Variants in CRYAB observed in about 807,000 individuals in gnomAD.
The protein encoded by CRYAB is alpha-crystallin B chain.
Under a neutral mutation model 12.7 loss-of-function variants are expected in CRYAB, and 9 were observed. That is an observed-to-expected ratio of 0.71 (90% CI 0.43 to 1.24). The LOEUF (loss-of-function observed/expected upper bound fraction) is 1.24. Among genes scored for constraint, CRYAB ranks in the 50% most tolerant of loss-of-function variants. The pLI is 0.00. For missense variants in CRYAB, 183 were observed against 226.6 expected (o/e 0.81, Z 1.24); for synonymous variants, 93 against 86.8 (o/e 1.07, Z -0.40).
At chr11:111,913,063 C>A (rs559644844), upstream of CRYAB, 3 of 668,610 alleles carry the variant, frequency 4.5e-6, no homozygotes, top group African/African-American at 5.4e-5. Flanking sequence ...CCAGACTACC[C>A]CTCATCCCCT....
At chr11:111,918,383 T>G (rs146871906) in intron 1 of CRYAB, among the ~76,000 whole-genome samples, 2 of 152,260 alleles carry the variant, frequency 1.3e-5, no homozygotes, top group African/African-American at 4.8e-5. Flanking sequence ...TTAGGCCCTA[T>G]AAAGGTTAAG....
upstream of CRYAB, chr11:111,913,830 A>G (rs782149177): frequency 6.2e-7 from 1 of 1,614,050 alleles, no homozygotes; most frequent in Non-Finnish European, 8.5e-7. Flanking sequence ...TGAGGTCTAC[A>G]TCTCCCTGCT....
chr11:111,918,656 C>T (rs1965634532), intron 1 of CRYAB: 1 of 678,536 alleles, frequency 1.5e-6, no homozygotes, highest in Admixed American at 2.0e-5. Context: ...GTAAGGAAAC[C>T]AAGAGCCCTT....
chr11:111,921,135 ATTATAT>A lies in CRYAB; in HGVS notation c.-199+2562_-199+2567del, dbSNP rs1261189124. Among the ~76,000 whole-genome samples, 6 of 152,232 alleles carry A rather than the reference ATTATAT, an allele frequency of 3.9e-5. No homozygotes were observed. The East Asian group carries it at 5.8e-4, about 15-fold the overall frequency. ...GATGTCATGTTATAAATAAAGCATC[ATTATAT>A]TTAGATAGACAAGTGAAGTGCATTG... On this transcript the variant is annotated intron_variant, in intron 1 of 3. Coordinates refer to the CRYAB transcript ENST00000527950.
intron 1 of CRYAB, among the ~76,000 whole-genome samples, chr11:111,911,177 G>A (rs1164172784): frequency 1.3e-5 from 2 of 152,140 alleles, no homozygotes; most frequent in East Asian, 1.9e-4. Flanking sequence ...TGGTAAAATC[G>A]GTCAAGAGTC....
chr11:111,923,462 T>A (rs1379483829), intron 1 of CRYAB, among the ~76,000 whole-genome samples: 1 of 152,190 alleles, frequency 6.6e-6, no homozygotes, highest in Non-Finnish European at 1.5e-5. Context: ...AGATGAGAGA[T>A]CAGGCAGACA....
At chr11:111,910,850 G>C (rs576944303) in intron 1 of CRYAB, 1 of 320,490 alleles carries the variant, frequency 3.1e-6, no homozygotes. Context: ...GGAATGTTCT[G>C]CTGGTCCTGC....
upstream of CRYAB, chr11:111,913,211 C>G (rs1047590354): frequency 3.4e-6 from 2 of 586,280 alleles, no homozygotes. Context: ...GCCTCCTCCT[C>G]CTCCCCCTCC....
chr11:111,910,632 AC>A lies in CRYAB; in HGVS notation c.202-184del, dbSNP rs1555165450. 3 of 739,820 alleles carry A rather than the reference AC, an allele frequency of 4.1e-6. No homozygotes were observed. The African/African-American group carries it at 5.2e-5, about 13-fold the overall frequency. 45.8% of individuals were successfully genotyped at this position (739,820 alleles called of 1,614,324 possible). On this transcript the variant is annotated intron_variant, in intron 1 of 2. Transcript: ENST00000650687. ...TGCTTCAGGGAGCCACCACAGTGAT[AC>A]CTAAGGCTCATGGTGATCAGACCCA...
intron 1 of CRYAB, among the ~76,000 whole-genome samples, chr11:111,920,066 G>A (rs1269477852): frequency 6.6e-6 from 1 of 151,912 alleles, no homozygotes; most frequent in East Asian, 1.9e-4. Context: ...GTGGTGGTGG[G>A]TGCCTGTAGT....
chr11:111,920,618 G>T (rs2137399163), intron 1 of CRYAB, among the ~76,000 whole-genome samples: 1 of 152,124 alleles, frequency 6.6e-6, no homozygotes, highest in Middle Eastern at 3.4e-3. Context: ...TTAAAAATTA[G>T]CTAGGCGTGG....
rs147373685 is a variant in CRYAB, at chr11:111,910,710, G to A, written c.202-261C>T. ...AGACAGATCACCCAGGGGACCAGTC[G>A]CAAGGATGGGTGCAAGCCTGGCATC... On this transcript the variant is annotated intron_variant, in intron 1 of 2. Transcript: ENST00000650687. 5.0e-4 allele frequency: 269 copies of A among 537,734 alleles called. 1 individual carries two copies. Among genetic ancestry groups the A allele is most frequent in the African/African-American group, 4.7e-3 (247 of 52,738 alleles). The allele number at this position is 537,734 out of a possible 1,614,324, so 33.3% of individuals were successfully genotyped here. A position where few individuals can be genotyped will look rare whatever the true frequency, so the allele number is the denominator to read the frequency against.
At chr11:111,912,836 G>A (rs1555165744), upstream of CRYAB, 2 of 1,602,314 alleles carry the variant, frequency 1.2e-6, no homozygotes, top group East Asian at 4.5e-5. Context: ...AGCCATGTCG[G>A]GCCGCTCAGT....
intron 1 of CRYAB, among the ~76,000 whole-genome samples, chr11:111,918,372 C>T (rs1336312649): frequency 6.6e-6 from 1 of 152,102 alleles, no homozygotes; most frequent in Non-Finnish European, 1.5e-5. Context: ...GCCCTAGAAA[C>T]TTAGGCCCTA....
chr11:111,912,618 G>A (rs1965500358), upstream of CRYAB: 1 of 592,370 alleles, frequency 1.7e-6, no homozygotes, highest in African/African-American at 1.9e-5. Context: ...GAGGGGACTA[G>A]GGGTCCGGGC....
In CRYAB at chr11:111,908,900, A is replaced by G; in HGVS notation, c.392T>C (p.Leu131Pro). The change falls in exon 3 of 3, where the codon CTC becomes CCC. Residue 131 changes from leucine (L) to proline (P), a missense_variant. This residue lies in a region of CRYAB where 95 missense variants were observed against 112.5 expected (regional missense o/e 0.84). Coordinates refer to ENST00000650687, the MANE Select transcript of CRYAB (RefSeq NM_001289808.2). ...KYRIPADVDP[L>P]TITSSLSSDG... is the part of the protein sequence containing the mutation. ...AGATGACAGGGATGAAGTAATGGTGAGAGGGTCTACATCAGCTGGGATCCG... is the reference window on the plus strand; with the variant it reads ...AGATGACAGGGATGAAGTAATGGTGGGAGGGTCTACATCAGCTGGGATCCG... The G allele has an allele frequency of 6.2e-7, 1 of 1,614,156 alleles. No homozygotes were observed. The highest frequency in any genetic ancestry group is 8.5e-7 in the Non-Finnish European group (1 of 1,180,018).
chr11:111,918,666 T>C (rs1555166256), intron 1 of CRYAB: 1 of 682,046 alleles, frequency 1.5e-6, no homozygotes. Flanking sequence ...CAAGAGCCCT[T>C]TTCTATCTCA....
upstream of CRYAB, chr11:111,912,590 G>T: frequency 5.3e-6 from 3 of 570,784 alleles, no homozygotes; most frequent in Non-Finnish European, 3.1e-6. Context: ...CCCTGCGACA[G>T]CTGAAGAGTG....
rs782206421 is a variant in CRYAB at position 111,908,924 on chromosome 11, C to T, written c.368G>A (p.Arg123Gln). 19 of 1,613,918 alleles carry T rather than the reference C, an allele frequency of 1.2e-5. No individual in the cohort carries two copies. The highest frequency in any genetic ancestry group is 1.6e-4 in the Middle Eastern group (1 of 6,076). ...GAGAGGGTCTACATCAGCTGGGATC[C>T]GGTATTTCCTGTGGAACTCCCTGGA... The part of the protein sequence containing the change: ...FISREFHRKY[R>Q]IPADVDPLTI... The change falls in exon 3 of 3, where the codon CGG (arginine) becomes CAG (glutamine). Residue 123 changes from arginine (R) to glutamine (Q), a missense_variant. This residue lies in a region of CRYAB where 95 missense variants were observed against 112.5 expected (regional missense o/e 0.84). Transcript: ENST00000650687.
Sources: gnomAD v4.1 joint callset for allele counts (sites outside exome capture counted in the v4.1 genomes callset) on GRCh38, gnomAD v4.1.1 for gene constraint, gnomAD v4.1.1 regional missense constraint, MANE v1.5 for transcripts, NCBI Gene and HGNC (gene_info 2026-07-23, HGNC 2026-07-21) for gene names.